GGA1: variants seen among roughly 807,000 people sequenced by gnomAD.
The protein encoded by GGA1 is ADP-ribosylation factor-binding protein GGA1.
GGA1 carries 18 observed loss-of-function variants against 76.9 expected under a neutral mutation model. The ratio of observed to expected loss-of-function variants is 0.23; its 90% CI spans 0.16 to 0.35. The LOEUF is 0.35. Ranked by LOEUF, GGA1 falls within the 10% of genes least tolerant of loss-of-function variation. The pLI is 1.00. For missense variants in GGA1, 755 were observed against 859.0 expected (o/e 0.88, Z 1.51); for synonymous variants, 342 against 354.7 (o/e 0.96, Z 0.40).
At chr22:37,615,007 T>C (rs752492201) in intron 2 of GGA1, among the ~76,000 whole-genome samples, 14 of 152,148 alleles carry the variant, frequency 9.2e-5, no homozygotes, top group Non-Finnish European at 1.3e-4. Context: ...TTACCTAGAA[T>C]GCTTGTCAGA....
Position 37,632,994 on chromosome 22 carries a change from T to G in GGA1, c.*283T>G, listed in dbSNP as rs1040549859. The G allele has an allele frequency of 4.6e-6, 2 of 431,812 alleles. No homozygotes were observed. Among genetic ancestry groups the G allele is most frequent in the East Asian group, 8.0e-5 (2 of 24,978 alleles). 26.7% of individuals were successfully genotyped at this position (431,812 alleles called of 1,614,324 possible). A position where few individuals can be genotyped will look rare whatever the true frequency, so the allele number is the denominator to read the frequency against. ...AGGGGCTGTGTAGCCTTGGAAGAAC[T>G]TGGGTCATGGGGAGGAAGCACAGCT... On this transcript the variant is annotated 3_prime_UTR_variant, in exon 17 of 17. Transcript: ENST00000343632. The surrounding 1 kb of genome is among the most constrained non-coding windows in gnomAD (Gnocchi z 5.1).
chr22:37,611,983 CT>C (rs1927702163), intron 1 of GGA1, among the ~76,000 whole-genome samples: 1 of 151,940 alleles, frequency 6.6e-6, no homozygotes, highest in African/African-American at 2.4e-5. Context: ...GAAATTCCAT[CT>C]CTACCAAAAA....
chr22:37,616,901 T>C, intron 2 of GGA1, 21 bp from the exon 3 acceptor site: 1 of 1,590,064 alleles, frequency 6.3e-7, no homozygotes, highest in Non-Finnish European at 8.6e-7. Context: ...ACTCTGGCTC[T>C]GTGTTGTTCC....
In GGA1 at chr22:37,629,959, C is replaced by T. The variant is rs770473875; in HGVS notation, c.1159-39C>T. On this transcript the variant is annotated intron_variant, in intron 12 of 16. Coordinates refer to ENST00000343632, the MANE Select transcript of GGA1 (RefSeq NM_013365.5). ...AGGATCAGGTGATGCTGACACCTCTCTAGACAGCCCCACCCCACCTGCATC... is the reference window on the plus strand; with the variant it reads ...AGGATCAGGTGATGCTGACACCTCTTTAGACAGCCCCACCCCACCTGCATC... The T allele has an allele frequency of 2.8e-6, 4 of 1,428,760 alleles. No individual in the cohort carries two copies. In the African/African-American group the frequency reaches 4.3e-5, roughly 16 times the overall value. The allele number at this position is 1,428,760 out of a possible 1,614,324, so 88.5% of individuals were successfully genotyped here.
In GGA1 at chr22:37,609,296, CCTA is replaced by C. The variant is rs910138155; in HGVS notation, c.43+397_43+399del. The stretch of plus-strand genomic sequence containing the variant: ...CATCTCACACCCGGGAGGGAGGGAC[CCTA>C]CTATTTTCAGGCCCCGAATCCTCCA... On this transcript the variant is annotated intron_variant, in intron 1 of 16. Coordinates refer to ENST00000343632, the MANE Select transcript of GGA1 (RefSeq NM_013365.5). 3.6e-6 allele frequency: 4 copies of C among 1,119,822 alleles called. No homozygotes were observed. In the African/African-American group the frequency reaches 6.9e-5, roughly 19 times the overall value. 69.4% of individuals were successfully genotyped at this position (1,119,822 alleles called of 1,614,324 possible). A position where few individuals can be genotyped will look rare whatever the true frequency, so the allele number is the denominator to read the frequency against.
intron 1 of GGA1, among the ~76,000 whole-genome samples, chr22:37,609,562 C>A (rs1245355256): frequency 1.3e-5 from 2 of 152,184 alleles, no homozygotes; most frequent in East Asian, 3.9e-4. Flanking sequence ...CTCCAAGATG[C>A]CTTTCCCAGC....
chr22:37,618,528 C>T lies in GGA1; in HGVS notation c.285C>T (p.Ile95=). ...AGTTCCGCTTTCTCAACGAGCTCAT[C>T]AAGGTCGTGTCTCCCAAGGTTGGTG... ...VGKFRFLNEL[I]KVVSPKYLGS... Residue 95 remains isoleucine (I), a synonymous_variant, in exon 4 of 17, where the codon ATC becomes ATT. Coordinates refer to ENST00000343632, the MANE Select transcript of GGA1 (RefSeq NM_013365.5). 1 of 1,609,956 alleles carries T rather than the reference C, an allele frequency of 6.2e-7. No homozygotes were observed. Among genetic ancestry groups the T allele is most frequent in the Non-Finnish European group, 8.5e-7 (1 of 1,176,214 alleles).
Position 37,623,364 on chromosome 22 carries a change from A to T in GGA1, c.647A>T (p.Asn216Ile). The T allele has an allele frequency of 1.2e-6, 2 of 1,613,814 alleles. No homozygotes were observed. Among genetic ancestry groups the T allele is most frequent in the Non-Finnish European group, 1.7e-6 (2 of 1,179,750 alleles). ...KRMEKISKRVNAIEEVNNNVK... is the reference protein window; with the variant it reads ...KRMEKISKRVIAIEEVNNNVK... ...ATGGAGAAGATCTCGAAGAGGGTGA[A>T]TGCCATCGAGGAGGTGAACAACAAT... Residue 216 changes from asparagine to isoleucine, a missense_variant, in exon 8 of 17, where the codon AAT becomes ATT. Asn to Ile is a moderately radical substitution (Grantham distance 149). Transcript: ENST00000343632. This position sits in a 1 kb window ranked among gnomAD's most constrained non-coding sequence, Gnocchi z 4.6.
At chr22:37,618,122 C>CA (rs35958963) in intron 3 of GGA1, 4,948 of 93,626 alleles carry the variant, frequency 0.053, 103 homozygotes, top group African/African-American at 0.13. Flanking sequence ...AACTCTGTCT[C>CA]AAAAAAAAAA....
chr22:37,614,930 G>A (rs1206385918), intron 2 of GGA1, among the ~76,000 whole-genome samples: 1 of 152,050 alleles, frequency 6.6e-6, no homozygotes, highest in African/African-American at 2.4e-5. Context: ...AATGAGCCGA[G>A]ATTGCGCCAC....
rs1300702572 is a variant in GGA1, at chr22:37,624,278, G to A, written c.832+645G>A. ...CTGATTGGTGCCAGGCACTGTTCTA[G>A]GCCCTCAGGGATCTGGCACTGATCA... On this transcript the variant is annotated intron_variant, in intron 9 of 16. Transcript: ENST00000343632. This position sits in a 1 kb window ranked among gnomAD's most constrained non-coding sequence, Gnocchi z 4.3. 2 of 157,522 alleles carry A rather than the reference G, an allele frequency of 1.3e-5. No homozygotes were observed. Among genetic ancestry groups the A allele is most frequent in the Non-Finnish European group, 2.8e-5 (2 of 70,824 alleles). 9.8% of individuals were successfully genotyped at this position (157,522 alleles called of 1,614,324 possible).
intron 11 of GGA1, among the ~76,000 whole-genome samples, chr22:37,627,327 A>T (rs1931026055): frequency 6.6e-6 from 1 of 152,104 alleles, no homozygotes; most frequent in Non-Finnish European, 1.5e-5. Context: ...CGGAGTGTGG[A>T]GGGAGAGCTG....
chr22:37,612,471 CAAA>C (rs372362445), intron 1 of GGA1: 4 of 78,958 alleles, frequency 5.1e-5, no homozygotes, highest in Non-Finnish European at 1.0e-4. Context: ...GACTCCGTCT[CAAA>C]AAAAAAAAAA....
chr22:37,618,417 G>C (rs1176631067), intron 3 of GGA1, 31 bp from the exon 4 acceptor site: 1 of 1,377,042 alleles, frequency 7.3e-7, no homozygotes, highest in Non-Finnish European at 1.0e-6. Context: ...ATGCACCTGG[G>C]CGTCCCCTCC....
rs1461373508 is a variant in GGA1 at position 37,621,813 on chromosome 22, C to T, written c.609+117C>T. The T allele has an allele frequency of 3.6e-5, 23 of 636,594 alleles. No individual in the cohort carries two copies. In the East Asian group the frequency reaches 6.7e-4, roughly 18 times the overall value. The allele number at this position is 636,594 out of a possible 1,614,324, so 39.4% of individuals were successfully genotyped here. On this transcript the variant is annotated intron_variant, in intron 7 of 16. Coordinates refer to ENST00000343632, the MANE Select transcript of GGA1 (RefSeq NM_013365.5). Reference sequence around the variant, plus strand: ...GGAGCCCTGCAGTGACCCGGGCTGGCACAGCAGAGAAGCTGATGCTGGGGG... The same window carrying T: ...GGAGCCCTGCAGTGACCCGGGCTGGTACAGCAGAGAAGCTGATGCTGGGGG...
chr22:37,612,772 C>CAAAA, intron 1 of GGA1: 1 of 248,652 alleles, frequency 4.0e-6, no homozygotes. Flanking sequence ...AGACTCGTCT[C>CAAAA]AAAAAAAAAA....
chr22:37,622,771 T>C (rs548030280), intron 7 of GGA1, among the ~76,000 whole-genome samples: 81 of 152,254 alleles, frequency 5.3e-4, no homozygotes, highest in African/African-American at 1.7e-3. Context: ...GTGAGGCCAC[T>C]TTTCACTCTG....
At position 37,632,683 on chromosome 22, in the gene GGA1, C is replaced by T. The variant is rs1365546959; in HGVS notation, c.1892C>T (p.Pro631Leu). The T allele has an allele frequency of 1.2e-6, 2 of 1,609,736 alleles. No individual in the cohort carries two copies. Among genetic ancestry groups the T allele is most frequent in the Non-Finnish European group, 1.7e-6 (2 of 1,176,824 alleles). Residue 631 changes from proline to leucine, a missense_variant, in exon 17 of 17, where the codon CCC becomes CTC. By Grantham distance (98) the Pro-to-Leu change is moderately conservative. Transcript: ENST00000343632. This position sits in a 1 kb window ranked among gnomAD's most constrained non-coding sequence, Gnocchi z 5.1. ...YNEMGDVDQFPPPETWGSL is the reference protein window; with the variant it reads ...YNEMGDVDQFLPPETWGSL Reference sequence around the variant, plus strand: ...GAGATGGGGGATGTGGACCAGTTCCCCCCACCTGAAACCTGGGGTAGCCTC... The same window carrying T: ...GAGATGGGGGATGTGGACCAGTTCCTCCCACCTGAAACCTGGGGTAGCCTC...
At chr22:37,612,342 G>A (rs1927817156) in intron 1 of GGA1, among the ~76,000 whole-genome samples, 1 of 149,086 alleles carries the variant, frequency 6.7e-6, no homozygotes, top group Admixed American at 6.7e-5. Context: ...CGTGGTGGCG[G>A]GCACCTGTAG....
Sources: allele counts gnomAD v4.1 joint callset (sites outside exome capture counted in the v4.1 genomes callset), GRCh38; gene constraint gnomAD v4.1.1; non-coding constraint Gnocchi (gnomAD v3.1); transcripts MANE v1.5; gene names NCBI Gene and HGNC (gene_info 2026-07-23, HGNC 2026-07-21).